Variants in SLC13A3 observed in about 807,000 individuals in gnomAD.
SLC13A3 encodes the protein Na(+)/dicarboxylate cotransporter 3.
SLC13A3 carries 40 observed loss-of-function variants against 59.0 expected under a neutral mutation model. The ratio of observed to expected loss-of-function variants is 0.68; its 90% CI spans 0.53 to 0.88. SLC13A3 has a LOEUF of 0.88. Among genes scored for constraint, SLC13A3 ranks in the 40% least tolerant of loss-of-function variants. SLC13A3 has a pLI of 0.00. For missense variants in SLC13A3, 699 were observed against 783.2 expected (o/e 0.89, Z 1.28); for synonymous variants, 317 against 330.3 (o/e 0.96, Z 0.44).
At chr20:46,661,684 A>C (rs1439888107) in intron 1 of SLC13A3, among the ~76,000 whole-genome samples, 5 of 151,810 alleles carry the variant, frequency 3.3e-5, no homozygotes, top group Non-Finnish European at 7.4e-5. Context: ...TGGCCTTTGG[A>C]GGGCTATGGT....
In SLC13A3 at chr20:46,592,405, T is replaced by A. The variant is rs148358555; in HGVS notation, c.919A>T (p.Arg307Trp). ...TGCCAAAAAGAAAATGAGAGGTACC[T>A]GAAGCTCAGTCCCCCGTACAGGAAG... ...ISFLYGGLSF[R>W]GWRKNKSEIR... is the part of the protein sequence containing the mutation. The change falls in exon 6 of 13, where the codon AGG becomes TGG. Residue 307 changes from arginine to tryptophan, a missense_variant and splice_region_variant. Transcript: ENST00000279027. 35 of 1,613,590 alleles carry A rather than the reference T, an allele frequency of 2.2e-5. No individual in the cohort carries two copies. Among genetic ancestry groups the A allele is most frequent in the Admixed American group, 1.7e-5 (1 of 59,976 alleles).
upstream of SLC13A3, among the ~76,000 whole-genome samples, chr20:46,674,583 G>C (rs1175255582): frequency 1.4e-5 from 2 of 145,108 alleles, no homozygotes; most frequent in Non-Finnish European, 3.0e-5. Flanking sequence ...TGGGTAGGTG[G>C]GGAGTGCGCG....
intron 1 of SLC13A3, among the ~76,000 whole-genome samples, chr20:46,625,674 T>G (rs187736985): frequency 1.4e-4 from 21 of 152,308 alleles, no homozygotes; most frequent in African/African-American, 4.1e-4. Context: ...ATAGATTGGT[T>G]TTTGCCTGTT....
At chr20:46,578,364 G>T (rs1176796075) in intron 9 of SLC13A3, among the ~76,000 whole-genome samples, 1 of 151,992 alleles carries the variant, frequency 6.6e-6, no homozygotes, top group Non-Finnish European at 1.5e-5. Flanking sequence ...TTCCAGGGGG[G>T]AAGTCAGGTG....
intron 1 of SLC13A3, among the ~76,000 whole-genome samples, chr20:46,657,798 G>C (rs1182228579): frequency 1.3e-5 from 2 of 152,148 alleles, no homozygotes; most frequent in African/African-American, 4.8e-5. Context: ...CCAGGAGCAG[G>C]CAGGTCACAT....
rs373114275 is a variant in SLC13A3 at position 46,596,149 on chromosome 20, G to A, written c.794+8C>T. On this transcript the variant is annotated splice_region_variant and intron_variant, in intron 5 of 12. Coordinates refer to ENST00000279027, the MANE Select transcript of SLC13A3 (RefSeq NM_022829.6). ...ACCCTCCCCGCCGGTGGGGACTCTCGCTTTCACCTCTTGAGCTGGCCAAGC... is the reference window on the plus strand; with the variant it reads ...ACCCTCCCCGCCGGTGGGGACTCTCACTTTCACCTCTTGAGCTGGCCAAGC... The A allele has an allele frequency of 2.1e-5, 34 of 1,611,654 alleles. No individual in the cohort carries two copies. The African/African-American group carries it at 2.1e-4, about 10-fold the overall frequency.
chr20:46,615,169 C>T (rs947350612), intron 1 of SLC13A3, among the ~76,000 whole-genome samples: 1 of 152,086 alleles, frequency 6.6e-6, no homozygotes, highest in African/African-American at 2.4e-5. Flanking sequence ...CCTGCCCTGC[C>T]CTTGCTTTCT....
chr20:46,640,214 A>G (rs2062834005), intron 1 of SLC13A3, among the ~76,000 whole-genome samples: 1 of 152,180 alleles, frequency 6.6e-6, no homozygotes, highest in South Asian at 2.1e-4. Context: ...CACTTCCTAC[A>G]GCCTCCCAGG....
chr20:46,678,199 C>T (rs1176086862), intron 1 of SLC13A3, among the ~76,000 whole-genome samples: 4 of 152,130 alleles, frequency 2.6e-5, no homozygotes, highest in African/African-American at 7.2e-5. Flanking sequence ...GTCTCAGTGC[C>T]GGGTTCTCAC....
At chr20:46,633,409 A>G (rs1278119181) in intron 1 of SLC13A3, among the ~76,000 whole-genome samples, 3 of 152,206 alleles carry the variant, frequency 2.0e-5, no homozygotes, top group Admixed American at 1.3e-4. Context: ...ATAAGCCACC[A>G]GCTTCAGGCT....
chr20:46,640,764 C>T (rs764556405), intron 1 of SLC13A3, among the ~76,000 whole-genome samples: 3 of 152,190 alleles, frequency 2.0e-5, no homozygotes, highest in Non-Finnish European at 4.4e-5. Context: ...TTGTTCCAGG[C>T]CCGGGCCAGG....
chr20:46,623,918 T>C (rs1192666670), intron 1 of SLC13A3, among the ~76,000 whole-genome samples: 1 of 152,216 alleles, frequency 6.6e-6, no homozygotes, highest in Non-Finnish European at 1.5e-5. Context: ...TGAACCCAGG[T>C]GGTCTGACCA....
chr20:46,676,409 C>A (rs955211073), intron 1 of SLC13A3, among the ~76,000 whole-genome samples: 2 of 138,164 alleles, frequency 1.4e-5, no homozygotes, highest in African/African-American at 2.9e-5. Flanking sequence ...ACTCTCTCAA[C>A]TCTTTTTTTT....
At chr20:46,562,727 A>G (rs762015880) in intron 12 of SLC13A3, among the ~76,000 whole-genome samples, 3 of 152,044 alleles carry the variant, frequency 2.0e-5, no homozygotes, top group Admixed American at 6.6e-5. Context: ...GAACAAATCA[A>G]TGAGTCTCTG....
intron 1 of SLC13A3, among the ~76,000 whole-genome samples, chr20:46,663,371 G>A (rs529857264): frequency 6.6e-6 from 1 of 152,038 alleles, no homozygotes; most frequent in African/African-American, 2.4e-5. Flanking sequence ...ATTAAGCCCA[G>A]GAGGCGAAGG....
At chr20:46,627,900 T>G (rs1356674238) in intron 1 of SLC13A3, among the ~76,000 whole-genome samples, 1 of 152,160 alleles carries the variant, frequency 6.6e-6, no homozygotes, top group Non-Finnish European at 1.5e-5. Flanking sequence ...GGAGGTGTAG[T>G]GTCTTCAGGA....
At chr20:46,614,004 A>G in intron 1 of SLC13A3, 1 of 356,404 alleles carries the variant, frequency 2.8e-6, no homozygotes, top group Non-Finnish European at 5.0e-6. Context: ...GGACTGTTTG[A>G]GAATGAAATG....
At chr20:46,560,334 A>T in intron 12 of SLC13A3, 136 bp from the exon 13 acceptor site, 4 of 737,538 alleles carry the variant, frequency 5.4e-6, no homozygotes, top group Non-Finnish European at 9.0e-6. Context: ...ACACAGACCC[A>T]GGTCGGTAAA....
At chr20:46,571,204 G>A (rs527707620) in intron 10 of SLC13A3, among the ~76,000 whole-genome samples, 1 of 152,314 alleles carries the variant, frequency 6.6e-6, no homozygotes, top group Admixed American at 6.5e-5. Flanking sequence ...CCCATGACAT[G>A]TGGGGATAAT....
Sources: allele counts gnomAD v4.1 joint callset (sites outside exome capture counted in the v4.1 genomes callset), GRCh38; gene constraint gnomAD v4.1.1; transcripts MANE v1.5; gene names NCBI Gene and HGNC (gene_info 2026-07-23, HGNC 2026-07-21).